The following CYP3A7 variants were observed in gnomAD, a reference collection of about 807,000 sequenced individuals.
CYP3A7 encodes cytochrome P450 family 3 subfamily A member 7, also known as cytochrome P450 3A7.
In CYP3A7, 45 loss-of-function variants were observed where a neutral mutation model predicts 55.2. The observed-to-expected ratio is 0.82, with a 90% CI of 0.64 to 1.05. The LOEUF is 1.05. CYP3A7 is among the 50% of genes least tolerant of loss of function. The probability of loss-of-function intolerance (pLI) is 0.00; values close to 1 mark genes in which losing one functional copy is unlikely to be tolerated. For synonymous variants in CYP3A7, 180 were observed against 207.4 expected, an observed-to-expected ratio of 0.87 and a Z score of 1.13; for missense variants, 548 against 605.3, an observed-to-expected ratio of 0.91 and a Z score of 0.99.
Position 99,707,923 on chromosome 7 carries a change from A to G in CYP3A7, c.1305T>C (p.Phe435=). 6.2e-7 allele frequency: 1 copy of G among 1,614,052 alleles called. No homozygotes were observed. The highest frequency in any genetic ancestry group is 8.5e-7 in the Non-Finnish European group (1 of 1,179,920). Residue 435 remains phenylalanine (F), a synonymous_variant, in exon 12 of 13, where the codon TTT becomes TTC. Transcript: ENST00000336374. ...CAATGCAGTTTCTGGGTCCACTTCC[A>G]AAGGGTGTGTATATGTAAGGATCTA... ...DNIDPYIYTP[F]GSGPRNCIGM... is the part of the protein sequence containing the mutation.
intron 12 of CYP3A7, among the ~76,000 whole-genome samples, chr7:99,707,153 T>C (rs1813555792): frequency 1.3e-5 from 2 of 152,108 alleles, no homozygotes; most frequent in Non-Finnish European, 1.5e-5. Flanking sequence ...AGAGTTATAA[T>C]TGAGTTGAAA....
chr7:99,709,333 T>A, intron 10 of CYP3A7, 72 bp from the exon 11 acceptor site: 3 of 1,560,686 alleles, frequency 1.9e-6, no homozygotes, highest in African/African-American at 1.4e-5. Context: ...CATGTAGTAC[T>A]GTTGAACTGT....
Position 99,705,598 on chromosome 7 carries a change from G to A in CYP3A7, c.1417-3C>T. ...CCAAAGCGTAATTTCAGGGGGATCT[G>A]CAACAGTTAAACGAGCATATTGAGA... is the stretch of plus-strand genomic sequence containing the variant. On this transcript the variant is annotated splice_region_variant and splice_polypyrimidine_tract_variant and intron_variant, in intron 12 of 12. Coordinates refer to ENST00000336374, the MANE Select transcript of CYP3A7 (RefSeq NM_000765.5). 3 of 1,612,990 alleles carry A rather than the reference G, an allele frequency of 1.9e-6. No homozygotes were observed. Among genetic ancestry groups the A allele is most frequent in the Admixed American group, 3.3e-5 (2 of 59,984 alleles).
chr7:99,733,297 C>T (rs959288962), intron 1 of CYP3A7, among the ~76,000 whole-genome samples: 4 of 152,156 alleles, frequency 2.6e-5, no homozygotes, highest in African/African-American at 7.2e-5. Context: ...CATTGGCCCC[C>T]GAGGAAAGAT....
chr7:99,717,518 T>C lies in CYP3A7; in HGVS notation c.432+8A>G. ...AGTTTCTAATTAAAACCCAAGTTAT[T>C]TTCATACCTCCTTGAGTTTTCCGCT... On this transcript the variant is annotated splice_region_variant and intron_variant, in intron 5 of 12. Transcript: ENST00000336374. 5.6e-6 allele frequency: 9 copies of C among 1,613,546 alleles called. No homozygotes were observed. Among genetic ancestry groups the C allele is most frequent in the Non-Finnish European group, 5.1e-6 (6 of 1,179,746 alleles).
chr7:99,728,999 ATGT>A (rs1814521958), intron 2 of CYP3A7, among the ~76,000 whole-genome samples: 1 of 152,184 alleles, frequency 6.6e-6, no homozygotes, highest in Non-Finnish European at 1.5e-5. Context: ...TAAATGAAGA[ATGT>A]TGTTTTTATC....
At position 99,705,409 on chromosome 7, in the gene CYP3A7, ATT is replaced by A; in HGVS notation, c.*89_*90del. On this transcript the variant is annotated 3_prime_UTR_variant, in exon 13 of 13. Coordinates refer to ENST00000336374, the MANE Select transcript of CYP3A7 (RefSeq NM_000765.5). The stretch of plus-strand genomic sequence containing the variant: ...AGCACATTGGATGAAGCCCGTCTTC[ATT>A]TCAGGGTTCTATTTGTAAAGTAATT... 1.4e-6 allele frequency: 2 copies of A among 1,426,692 alleles called. No homozygotes were observed. Among genetic ancestry groups the A allele is most frequent in the Non-Finnish European group, 2.0e-6 (2 of 1,016,284 alleles). The allele number at this position is 1,426,692 out of a possible 1,614,324, so 88.4% of individuals were successfully genotyped here.
intron 10 of CYP3A7, among the ~76,000 whole-genome samples, chr7:99,710,273 A>G (rs527886469): frequency 6.6e-6 from 1 of 152,330 alleles, no homozygotes; most frequent in African/African-American, 2.4e-5. Context: ...CCTGGTTCCT[A>G]GCTTGCTTCT....
intron 11 of CYP3A7, among the ~76,000 whole-genome samples, 170 bp from the exon 12 acceptor site, chr7:99,708,144 G>C (rs185844068): frequency 2.0e-5 from 3 of 152,286 alleles, no homozygotes; most frequent in Admixed American, 2.0e-4. Flanking sequence ...GAATTGTAAG[G>C]TACAGATCCT....
At position 99,710,765 on chromosome 7, in the gene CYP3A7, C is replaced by T. The variant is rs1272676918; in HGVS notation, c.993G>A (p.Val331=). Residue 331 remains valine (V), a synonymous_variant, in exon 10 of 13, where the codon GTG becomes GTA. Coordinates refer to ENST00000336374, the MANE Select transcript of CYP3A7 (RefSeq NM_000765.5). The part of the protein sequence containing the change: ...LATHPDVQQK[V]QKEIDTVLPN... ...GTAAAACTGTATCAATTTCCTTCTG[C>T]ACTTTCTGCTGGACATCAGGGTGAG... 5 of 1,613,906 alleles carry T rather than the reference C, an allele frequency of 3.1e-6. No individual in the cohort carries two copies. The highest frequency in any genetic ancestry group is 1.7e-5 in the Admixed American group (1 of 59,980).
rs144829218 is a variant in CYP3A7 at position 99,705,680 on chromosome 7, A to G, written c.1417-85T>C. 145 of 1,519,790 alleles carry G rather than the reference A, an allele frequency of 9.5e-5. 1 individual carries two copies. In the East Asian group the frequency reaches 3.3e-3, roughly 34 times the overall value. 94.1% of individuals were successfully genotyped at this position (1,519,790 alleles called of 1,614,324 possible). On this transcript the variant is annotated intron_variant, in intron 12 of 12. Coordinates refer to ENST00000336374, the MANE Select transcript of CYP3A7 (RefSeq NM_000765.5). ...GCATCAAAGTAAAAAAAAATTACTG[A>G]CAATAATGCTTTGTAAACATATAAA...
intron 2 of CYP3A7, 90 bp downstream of exon 2, chr7:99,730,969 C>T (rs1329362937): frequency 2.0e-6 from 3 of 1,524,016 alleles, no homozygotes; most frequent in Middle Eastern, 1.7e-4. Flanking sequence ...AATCTCAGAC[C>T]TTCCTCTTGA....
Position 99,707,848 on chromosome 7 carries a change from A to G in CYP3A7, c.1380T>C (p.Leu460=), listed in dbSNP as rs1813582557. 1 of 1,614,020 alleles carries G rather than the reference A, an allele frequency of 6.2e-7. No homozygotes were observed. Among genetic ancestry groups the G allele is most frequent in the Admixed American group, 1.7e-5 (1 of 60,012 alleles). Residue 460 remains leucine (L), a synonymous_variant, in exon 12 of 13, where the codon CTT becomes CTC. Transcript: ENST00000336374. ...TACAAGGTTTGAAGGAGAAGTTCTG[A>G]AGGACTCTGACTAGAGCAAGTTTCA... ...VNMKLALVRV[L]QNFSFKPCKE... is the part of the protein sequence containing the mutation.
At chr7:99,708,580 T>C (rs779963115) in intron 11 of CYP3A7, among the ~76,000 whole-genome samples, 2 of 152,166 alleles carry the variant, frequency 1.3e-5, no homozygotes, top group African/African-American at 2.4e-5. Context: ...ATGATGCTAC[T>C]GTATTGATGG....
intron 8 of CYP3A7, among the ~76,000 whole-genome samples, chr7:99,714,184 T>C (rs1357731070): frequency 3.9e-5 from 6 of 152,224 alleles, no homozygotes; most frequent in Non-Finnish European, 7.3e-5. Context: ...AATGACTCTT[T>C]ACCAATCTAT....
Position 99,717,515 on chromosome 7 carries a change from T to G in CYP3A7, c.432+11A>C, listed in dbSNP as rs566636450. 1.4e-5 allele frequency: 23 copies of G among 1,613,500 alleles called. No individual in the cohort carries two copies. The South Asian group carries it at 2.3e-4, about 16-fold the overall frequency. On this transcript the variant is annotated intron_variant, in intron 5 of 12. Transcript: ENST00000336374. ...TTAAGTTTCTAATTAAAACCCAAGT[T>G]ATTTTCATACCTCCTTGAGTTTTCC...
intron 2 of CYP3A7, among the ~76,000 whole-genome samples, chr7:99,727,946 A>C (rs965450629): frequency 2.6e-5 from 4 of 152,208 alleles, no homozygotes; most frequent in African/African-American, 7.2e-5. Context: ...CTTCCAAAAA[A>C]AGCTGGAGTC....
At chr7:99,727,988 AC>A (rs1384537706) in intron 2 of CYP3A7, among the ~76,000 whole-genome samples, 3 of 152,202 alleles carry the variant, frequency 2.0e-5, no homozygotes, top group Non-Finnish European at 4.4e-5. Flanking sequence ...AGGGCCTCAG[AC>A]CCCATTGCTC....
At chr7:99,721,502 T>C (rs753776889) in intron 3 of CYP3A7, among the ~76,000 whole-genome samples, 2 of 152,050 alleles carry the variant, frequency 1.3e-5, no homozygotes, top group African/African-American at 4.8e-5. Flanking sequence ...ATGCATGTGA[T>C]AAAAGGGCAT....
Sources: allele counts gnomAD v4.1 joint callset (sites outside exome capture counted in the v4.1 genomes callset), GRCh38; gene constraint gnomAD v4.1.1; transcripts MANE v1.5; gene names NCBI Gene and HGNC (gene_info 2026-07-23, HGNC 2026-07-21).